ADCK2: variants seen among roughly 807,000 people sequenced by gnomAD.
The protein encoded by ADCK2 is aarF domain containing kinase 2.
ADCK2 carries 37 observed loss-of-function variants against 52.3 expected under a neutral mutation model. The ratio of observed to expected loss-of-function variants is 0.71; its 90% CI spans 0.54 to 0.93. ADCK2 has a LOEUF of 0.93. Among genes scored for constraint, ADCK2 ranks in the 40% least tolerant of loss-of-function variants. The pLI is 0.00. For synonymous variants in ADCK2, 321 were observed against 349.2 expected (o/e 0.92, Z 0.90); for missense variants, 695 against 798.7 (o/e 0.87, Z 1.56).
At chr7:140,682,187 C>T (rs960619660) in intron 4 of ADCK2, among the ~76,000 whole-genome samples, 6 of 152,110 alleles carry the variant, frequency 3.9e-5, no homozygotes, top group Non-Finnish European at 5.9e-5. Flanking sequence ...AGATAGGTGA[C>T]GACTAAGTAA....
In ADCK2 at chr7:140,673,390, G is replaced by T. The variant is rs1259428390; in HGVS notation, c.60G>T (p.Glu20Asp). 1.3e-6 allele frequency: 2 copies of T among 1,559,590 alleles called. No homozygotes were observed. The highest frequency in any genetic ancestry group is 1.7e-6 in the Non-Finnish European group (2 of 1,153,062). ...RVCLSHLRCF[E>D]LRQGLSLLRP... ...GCCTGTCGCACCTGAGGTGCTTCGA[G>T]CTCAGACAGGGACTCAGCCTCCTGA... The change falls in exon 1 of 8, where the codon GAG (glutamate) becomes GAT (aspartate). Residue 20 changes from glutamate to aspartate, a missense_variant. By Grantham distance (45) the Glu-to-Asp change is conservative (BLOSUM62 2). Transcript: ENST00000072869. This position sits in a 1 kb window ranked among gnomAD's most constrained non-coding sequence, Gnocchi z 6.4.
chr7:140,673,215 C>T lies in ADCK2; in HGVS notation c.-116C>T. 1.1e-6 allele frequency: 1 copy of T among 891,594 alleles called. No individual in the cohort carries two copies. The highest frequency in any genetic ancestry group is 1.5e-6 in the Non-Finnish European group (1 of 650,338). 55.2% of individuals were successfully genotyped at this position (891,594 alleles called of 1,614,324 possible). On this transcript the variant is annotated 5_prime_UTR_variant, in exon 1 of 8. Coordinates refer to ENST00000072869, the MANE Select transcript of ADCK2 (RefSeq NM_052853.4). The surrounding 1 kb of genome is among the most constrained non-coding windows in gnomAD (Gnocchi z 6.4). Reference sequence around the variant, plus strand: ...GAGGGAGCGGGGCGCGGATCCGGCCCAGATGGGCAGCTCCGTCCGCGGGGT... The same window carrying T: ...GAGGGAGCGGGGCGCGGATCCGGCCTAGATGGGCAGCTCCGTCCGCGGGGT...
Position 140,674,882 on chromosome 7 carries a change from G to C in ADCK2, c.1080+125G>C. ...TAACTCATGTGATGTGTTAGAGCTGGTAACACTAGCTGATAAAGAACATCC... is the reference window on the plus strand; with the variant it reads ...TAACTCATGTGATGTGTTAGAGCTGCTAACACTAGCTGATAAAGAACATCC... On this transcript the variant is annotated intron_variant, in intron 2 of 7. Transcript: ENST00000072869. This position sits in a 1 kb window ranked among gnomAD's most constrained non-coding sequence, Gnocchi z 4.6. The C allele has an allele frequency of 8.5e-7, 1 of 1,178,916 alleles. No homozygotes were observed. Among genetic ancestry groups the C allele is most frequent in the Non-Finnish European group, 1.2e-6 (1 of 863,814 alleles). 73.0% of individuals were successfully genotyped at this position (1,178,916 alleles called of 1,614,324 possible). A position where few individuals can be genotyped will look rare whatever the true frequency, so the allele number is the denominator to read the frequency against.
chr7:140,675,170 G>A (rs1794378112), intron 2 of ADCK2, among the ~76,000 whole-genome samples: 1 of 152,190 alleles, frequency 6.6e-6, no homozygotes, highest in Non-Finnish European at 1.5e-5. Context: ...TTGAACCCAA[G>A]ATGGAGGTTG....
In ADCK2 at chr7:140,690,796, T is replaced by C; in HGVS notation, c.1723T>C (p.Leu575=). The change falls in exon 7 of 8, where the codon TTG becomes CTG. Residue 575 remains leucine, a synonymous_variant. Transcript: ENST00000072869. ...CAGCCTTCTCTCTAGTGTCTTTAAG[T>C]TGCTGATGACTCACAAGGTGAGGGC... is the stretch of plus-strand genomic sequence containing the variant. The part of the protein sequence containing the change: ...VSSLLSSVFK[L]LMTHKVKLES... 6.2e-7 allele frequency: 1 copy of C among 1,613,832 alleles called. No individual in the cohort carries two copies. Among genetic ancestry groups the C allele is most frequent in the Non-Finnish European group, 8.5e-7 (1 of 1,179,958 alleles).
chr7:140,691,280 G>A (rs914934897), intron 7 of ADCK2, among the ~76,000 whole-genome samples: 1 of 152,202 alleles, frequency 6.6e-6, no homozygotes, highest in Non-Finnish European at 1.5e-5. Flanking sequence ...CAAGTGCTTC[G>A]TAGCTGTTAG....
chr7:140,679,048 T>C, intron 2 of ADCK2, 107 bp from the exon 3 acceptor site: 2 of 1,417,552 alleles, frequency 1.4e-6, no homozygotes, highest in East Asian at 2.3e-5. Context: ...GGCAAGCTGG[T>C]GGGGAAGGTG....
chr7:140,694,982 C>T lies in ADCK2; in HGVS notation c.*179C>T, dbSNP rs1315811160. On this transcript the variant is annotated 3_prime_UTR_variant, in exon 8 of 8. Transcript: ENST00000072869. ...TGAGGGTCTGTTCAAAAGCTTTGGG[C>T]CAATTAGGGAGTAAAAGGAGGGAAG... 2.2e-6 allele frequency: 3 copies of T among 1,340,190 alleles called. No homozygotes were observed. The Admixed American group carries it at 1.0e-4, about 46-fold the overall frequency. The allele number at this position is 1,340,190 out of a possible 1,614,324, so 83.0% of individuals were successfully genotyped here.
chr7:140,674,262 A>C lies in ADCK2; in HGVS notation c.932A>C (p.Lys311Thr), dbSNP rs777326586. 3 of 1,609,448 alleles carry C rather than the reference A, an allele frequency of 1.9e-6. No individual in the cohort carries two copies. Among genetic ancestry groups the C allele is most frequent in the Non-Finnish European group, 2.5e-6 (3 of 1,177,474 alleles). Reference sequence around the variant, plus strand: ...ACCAACCTCATCTCCGTGGCAGTGAAAGTAAGTGTTGTGAGAGCTCACAGC... The same window carrying C: ...ACCAACCTCATCTCCGTGGCAGTGACAGTAAGTGTTGTGAGAGCTCACAGC... Reference protein sequence around the residue: ...EATNLISVAVKVLHPGLLAQV... With the variant: ...EATNLISVAVTVLHPGLLAQV... The change falls in exon 1 of 8, where the codon AAA becomes ACA. Residue 311 changes from lysine to threonine, a missense_variant and splice_region_variant. Lys to Thr is a moderately conservative substitution (Grantham distance 78). Transcript: ENST00000072869. The surrounding 1 kb of genome is among the most constrained non-coding windows in gnomAD (Gnocchi z 4.6).
intron 4 of ADCK2, among the ~76,000 whole-genome samples, chr7:140,684,390 C>T (rs902447668): frequency 6.6e-6 from 1 of 152,110 alleles, no homozygotes; most frequent in Non-Finnish European, 1.5e-5. Flanking sequence ...TGGCAGTAAT[C>T]GTGACCCAGC....
At chr7:140,676,067 C>T (rs937537900) in intron 2 of ADCK2, among the ~76,000 whole-genome samples, 5 of 152,194 alleles carry the variant, frequency 3.3e-5, no homozygotes, top group Non-Finnish European at 7.3e-5. Flanking sequence ...CGGACAGAAT[C>T]CCATAAACTA....
chr7:140,679,477 G>A (rs896721552), intron 3 of ADCK2, among the ~76,000 whole-genome samples, 194 bp downstream of exon 3: 4 of 152,012 alleles, frequency 2.6e-5, no homozygotes, highest in South Asian at 2.1e-4. Flanking sequence ...GGTGTGGCCC[G>A]ATCCCCTAGA....
Position 140,674,036 on chromosome 7 carries a change from T to G in ADCK2, c.706T>G (p.Ser236Ala). 8 of 1,614,092 alleles carry G rather than the reference T, an allele frequency of 5.0e-6. No individual in the cohort carries two copies. The highest frequency in any genetic ancestry group is 6.8e-6 in the Non-Finnish European group (8 of 1,180,024). ...CAGCGTCCAGAGACTTGGCAGGGCCTCCTGTCTGCCGCCCTTCTCACATAC... is the reference window on the plus strand; with the variant it reads ...CAGCGTCCAGAGACTTGGCAGGGCCGCCTGTCTGCCGCCCTTCTCACATAC... ...TDSVQRLGRA[S>A]CLPPFSHTGA... The change falls in exon 1 of 8, where the codon TCC becomes GCC. Residue 236 changes from serine (S) to alanine (A), a missense_variant. Physicochemically the swap from Ser to Ala is moderately conservative, Grantham distance 99. Transcript: ENST00000072869. The surrounding 1 kb of genome is among the most constrained non-coding windows in gnomAD (Gnocchi z 4.6).
At chr7:140,687,881 T>C (rs373917460) in intron 5 of ADCK2, among the ~76,000 whole-genome samples, 1 of 151,498 alleles carries the variant, frequency 6.6e-6, no homozygotes, top group Non-Finnish European at 1.5e-5. Flanking sequence ...TTAGTTTTTT[T>C]TTTTTTTTTT....
intron 3 of ADCK2, among the ~76,000 whole-genome samples, chr7:140,680,430 C>T (rs890410478): frequency 8.6e-5 from 13 of 151,372 alleles, no homozygotes; most frequent in Non-Finnish European, 1.8e-4. Flanking sequence ...TAGGATTATA[C>T]GTGTTAGCCA....
Position 140,674,643 on chromosome 7 carries a change from T to C in ADCK2, c.966T>C (p.His322=). The C allele has an allele frequency of 6.2e-7, 1 of 1,614,068 alleles. No homozygotes were observed. Among genetic ancestry groups the C allele is most frequent in the Non-Finnish European group, 8.5e-7 (1 of 1,179,998 alleles). The part of the protein sequence containing the change: ...VLHPGLLAQV[H]MDLLLMKIGS... The stretch of plus-strand genomic sequence containing the variant: ...ACCCTGGCCTGCTCGCTCAGGTGCA[T>C]ATGGACCTGCTGCTGATGAAGATTG... Residue 322 remains histidine, a synonymous_variant, in exon 2 of 8, where the codon CAT becomes CAC. Coordinates refer to ENST00000072869, the MANE Select transcript of ADCK2 (RefSeq NM_052853.4). This position sits in a 1 kb window ranked among gnomAD's most constrained non-coding sequence, Gnocchi z 4.6.
rs1181961123 is a variant in ADCK2, at chr7:140,689,536, G to C, written c.1558-61G>C. On this transcript the variant is annotated intron_variant, in intron 5 of 7. Coordinates refer to ENST00000072869, the MANE Select transcript of ADCK2 (RefSeq NM_052853.4). ...GCTGCTGAGATGAGAAAGACGCTTG[G>C]GCACCGCATCCAGGTTTATGCTAGC... 10 of 1,515,216 alleles carry C rather than the reference G, an allele frequency of 6.6e-6. No homozygotes were observed. In the South Asian group the frequency reaches 1.2e-4, roughly 18 times the overall value. The allele number at this position is 1,515,216 out of a possible 1,614,324, so 93.9% of individuals were successfully genotyped here. A position where few individuals can be genotyped will look rare whatever the true frequency, so the allele number is the denominator to read the frequency against.
At chr7:140,686,877 T>C (rs1794612059) in intron 4 of ADCK2, 113 bp from the exon 5 acceptor site, 4 of 1,413,268 alleles carry the variant, frequency 2.8e-6, no homozygotes, top group East Asian at 2.3e-5. Context: ...ATGCACCTCT[T>C]TGCGGCTGTG....
At chr7:140,690,548 G>C (rs1202548455) in intron 6 of ADCK2, among the ~76,000 whole-genome samples, 1 of 152,058 alleles carries the variant, frequency 6.6e-6, no homozygotes, top group African/African-American at 2.4e-5. Flanking sequence ...TCTTCCAAAG[G>C]CCTCTGTGAC....
Sources: gnomAD v4.1 joint callset for allele counts (sites outside exome capture counted in the v4.1 genomes callset) on GRCh38, gnomAD v4.1.1 for gene constraint, Gnocchi (gnomAD v3.1) non-coding constraint, MANE v1.5 for transcripts, NCBI Gene and HGNC (gene_info 2026-07-23, HGNC 2026-07-21) for gene names.